The following LEO1 variants were observed in gnomAD, a reference collection of about 807,000 sequenced individuals.
The protein encoded by LEO1 is LEO1 component of Paf1/RNA polymerase II complex, also known as RNA polymerase-associated protein LEO1.
Under a neutral mutation model 80.4 loss-of-function variants are expected in LEO1, and 34 were observed. That is an observed-to-expected ratio of 0.42 (90% confidence interval 0.32 to 0.56). The LOEUF (loss-of-function observed/expected upper bound fraction) is 0.56. Among genes scored for constraint, LEO1 ranks in the 20% least tolerant of loss-of-function variants. The pLI, the probability that LEO1 is intolerant of heterozygous loss-of-function variation, is 0.10. For synonymous variants in LEO1, 262 were observed against 274.9 expected (o/e 0.95, Z 0.46); for missense variants, 631 against 814.2 (o/e 0.77, Z 2.74).
chr15:51,970,758 T>C (rs1224321876), intron 1 of LEO1, among the ~76,000 whole-genome samples: 2 of 152,232 alleles, frequency 1.3e-5, no homozygotes, highest in Non-Finnish European at 2.9e-5. Flanking sequence ...ATATGTTGTC[T>C]ACAAGAGACT....
chr15:51,939,552 C>T (rs1357349079), intron 11 of LEO1, among the ~76,000 whole-genome samples: 1 of 152,172 alleles, frequency 6.6e-6, no homozygotes, highest in Non-Finnish European at 1.5e-5. Flanking sequence ...GAAAGATGGA[C>T]CCTGCCCCCA....
At position 51,966,513 on chromosome 15, in the gene LEO1, T is replaced by A; in HGVS notation, c.59-9A>T. Reference sequence around the variant, plus strand: ...AGATCCAGAATCAGAATCTATGGGGTCATATAAACATAGGATAACATAAGC... The same window carrying A: ...AGATCCAGAATCAGAATCTATGGGGACATATAAACATAGGATAACATAAGC... On this transcript the variant is annotated splice_polypyrimidine_tract_variant and intron_variant, in intron 1 of 11. Transcript: ENST00000299601. 1 of 1,491,850 alleles carries A rather than the reference T, an allele frequency of 6.7e-7. No homozygotes were observed. The highest frequency in any genetic ancestry group is 9.3e-7 in the Non-Finnish European group (1 of 1,077,400). 92.4% of individuals were successfully genotyped at this position (1,491,850 alleles called of 1,614,324 possible).
intron 11 of LEO1, among the ~76,000 whole-genome samples, chr15:51,945,259 AT>A (rs1468169799): frequency 1.4e-5 from 2 of 138,476 alleles, no homozygotes; most frequent in Admixed American, 7.3e-5. Context: ...TCTACAAAAA[AT>A]ACAAAAAAAA....
At position 51,949,982 on chromosome 15, in the gene LEO1, G is replaced by C. The variant is rs374499793; in HGVS notation, c.1624C>G (p.Arg542Gly). Residue 542 changes from arginine (R) to glycine (G), a missense_variant, in exon 10 of 12, where the codon CGT becomes GGT. Arg to Gly is a moderately radical substitution (Grantham distance 125, BLOSUM62 -2). This residue lies in a region of LEO1 where 117 missense variants were observed against 163.5 expected (regional missense o/e 0.72). Coordinates refer to ENST00000299601, the MANE Select transcript of LEO1 (RefSeq NM_138792.4). ...TCCCTACGTATGGAAGCCCTCAAAC[G>C]TTCTTCTTCTTTCTGTAAAGAAGCA... ...RTEMIKKEEERLRASIRRESQ... is the reference protein window; with the variant it reads ...RTEMIKKEEEGLRASIRRESQ... 45 of 1,611,010 alleles carry C rather than the reference G, an allele frequency of 2.8e-5. No homozygotes were observed. Among genetic ancestry groups the C allele is most frequent in the Middle Eastern group, 1.7e-4 (1 of 5,804 alleles).
intron 9 of LEO1, among the ~76,000 whole-genome samples, chr15:51,951,497 C>G (rs2056948595): frequency 6.6e-6 from 1 of 152,254 alleles, no homozygotes; most frequent in African/African-American, 2.4e-5. Flanking sequence ...CTATTTTACA[C>G]TACTCTCTAG....
At chr15:51,947,431 T>TC (rs1388583874) in intron 10 of LEO1, 42 bp from the exon 11 acceptor site, 5 of 1,383,520 alleles carry the variant, frequency 3.6e-6, no homozygotes, top group Non-Finnish European at 5.1e-6. Flanking sequence ...TTTTTTTTTT[T>TC]CTGAGACAGG....
chr15:51,942,245 G>T (rs148436576), intron 11 of LEO1, among the ~76,000 whole-genome samples: 3 of 152,210 alleles, frequency 2.0e-5, no homozygotes, highest in South Asian at 4.2e-4. Flanking sequence ...AATTTTTGTT[G>T]TCAGGGAAGG....
intron 5 of LEO1, 104 bp from the exon 6 acceptor site, chr15:51,958,930 T>TAATATAATTTTAAA (rs1376221375): frequency 2.6e-5 from 14 of 539,676 alleles, no homozygotes; most frequent in Non-Finnish European, 4.2e-5. Context: ...CAAAAAATCA[T>TAATATAATTTTAAA]AATATAATTT....
At chr15:51,943,631 T>C (rs1595930304) in intron 11 of LEO1, among the ~76,000 whole-genome samples, 1 of 150,602 alleles carries the variant, frequency 6.6e-6, no homozygotes, top group African/African-American at 2.4e-5. Context: ...ACCTGGGAGA[T>C]GGAGGTGGCA....
At chr15:51,954,287 TGGGA>T (rs1566883571) in intron 7 of LEO1, among the ~76,000 whole-genome samples, 190 bp downstream of exon 7, 1 of 151,740 alleles carries the variant, frequency 6.6e-6, no homozygotes, top group Admixed American at 6.6e-5. Context: ...ACTTGGGAGA[TGGGA>T]GGATCACTTA....
chr15:51,963,771 G>A (rs2141776232), intron 2 of LEO1, among the ~76,000 whole-genome samples: 1 of 151,960 alleles, frequency 6.6e-6, no homozygotes, highest in Admixed American at 6.6e-5. Context: ...GTTTGGTGGT[G>A]CACACCTTTA....
intron 7 of LEO1, 124 bp from the exon 8 acceptor site, chr15:51,953,387 C>G (rs2056964149): frequency 1.1e-6 from 1 of 905,576 alleles, no homozygotes; most frequent in Admixed American, 2.5e-5. Context: ...CTTTGGGACA[C>G]CAAGGCAGGT....
At chr15:51,963,929 G>A (rs1017989386) in intron 2 of LEO1, among the ~76,000 whole-genome samples, 3 of 144,944 alleles carry the variant, frequency 2.1e-5, no homozygotes, top group Admixed American at 7.0e-5. Flanking sequence ...ATGAGTGGCC[G>A]GGCGCAGTGG....
intron 11 of LEO1, among the ~76,000 whole-genome samples, chr15:51,943,754 T>A (rs1394765583): frequency 2.4e-5 from 3 of 123,814 alleles, no homozygotes; most frequent in African/African-American, 3.0e-5. Context: ...CAAGACAGAA[T>A]ATCACTAAAG....
In LEO1 at chr15:51,965,761, C is replaced by A; in HGVS notation, c.802G>T (p.Asp268Tyr). The A allele has an allele frequency of 6.2e-7, 1 of 1,607,664 alleles. No homozygotes were observed. Among genetic ancestry groups the A allele is most frequent in the South Asian group, 1.1e-5 (1 of 89,968 alleles). The change falls in exon 2 of 12, where the codon GAT becomes TAT. Residue 268 changes from aspartate to tyrosine, a missense_variant. This residue lies in a region of LEO1 where 394 missense variants were observed against 395.6 expected (regional missense o/e 1.00). Transcript: ENST00000299601. ...HRHSDDEEEQ[D>Y]HKSESARGSD... Reference sequence around the variant, plus strand: ...ATAAATGTATTACCTGATTTATGATCCTGTTCCTCTTCATCATCTGAATGC... The same window carrying A: ...ATAAATGTATTACCTGATTTATGATACTGTTCCTCTTCATCATCTGAATGC...
At chr15:51,950,123 C>T in intron 9 of LEO1, 129 bp from the exon 10 acceptor site, 1 of 821,686 alleles carries the variant, frequency 1.2e-6, no homozygotes, top group South Asian at 1.8e-5. Context: ...TGTTCCCCAT[C>T]CCACCTCTGT....
intron 8 of LEO1, 118 bp from the exon 9 acceptor site, chr15:51,952,097 G>A: frequency 2.5e-6 from 2 of 807,216 alleles, no homozygotes; most frequent in Non-Finnish European, 3.8e-6. Flanking sequence ...TGAAAAAATA[G>A]GCAGAGACAC....
At chr15:51,946,260 GC>G (rs2056900134) in intron 11 of LEO1, among the ~76,000 whole-genome samples, 1 of 151,950 alleles carries the variant, frequency 6.6e-6, no homozygotes, top group Admixed American at 6.6e-5. Context: ...CGCGATCTCG[GC>G]TCACTGCAAC....
At chr15:51,969,084 C>G (rs915468361) in intron 1 of LEO1, among the ~76,000 whole-genome samples, 1 of 151,950 alleles carries the variant, frequency 6.6e-6, no homozygotes, top group African/African-American at 2.4e-5. Context: ...CCTACCTCAG[C>G]CTCCCAAGTT....
Sources: allele counts gnomAD v4.1 joint callset (sites outside exome capture counted in the v4.1 genomes callset), GRCh38; gene constraint gnomAD v4.1.1; regional missense constraint gnomAD v4.1.1; transcripts MANE v1.5; gene names NCBI Gene and HGNC (gene_info 2026-07-23, HGNC 2026-07-21).